The following SLC5A4 variants were observed in gnomAD, a reference collection of about 807,000 sequenced individuals.
SLC5A4 encodes the protein probable glucose sensor protein SLC5A4.
In SLC5A4, 55 loss-of-function variants were observed where a neutral mutation model predicts 70.3. The observed-to-expected ratio is 0.78, with a 90% confidence interval of 0.63 to 0.98. The LOEUF (loss-of-function observed/expected upper bound fraction) is 0.98, where lower values mean the gene tolerates loss of function less well. SLC5A4 is among the 50% of genes least tolerant of loss of function. The probability of loss-of-function intolerance (pLI) is 0.00; values close to 1 mark genes in which losing one functional copy is unlikely to be tolerated. For synonymous variants in SLC5A4, 268 were observed against 305.7 expected, an observed-to-expected ratio of 0.88 and a Z score of 1.29; for missense variants, 735 against 839.2, an observed-to-expected ratio of 0.88 and a Z score of 1.53.
chr22:32,228,122 A>G (rs937150205), intron 11 of SLC5A4, among the ~76,000 whole-genome samples: 1 of 152,194 alleles, frequency 6.6e-6, no homozygotes, highest in Non-Finnish European at 1.5e-5. Context: ...GGTAATTTCC[A>G]TGTCTTGACT....
intron 5 of SLC5A4, among the ~76,000 whole-genome samples, chr22:32,244,684 T>G (rs1926720862): frequency 6.6e-6 from 1 of 152,094 alleles, no homozygotes; most frequent in Non-Finnish European, 1.5e-5. Flanking sequence ...TGTGCCCCCA[T>G]ACCTGGCTAA....
chr22:32,270,020 C>T, the SLC5A4 span: 21,952 of 492,910 alleles, frequency 0.045, 765 homozygotes, highest in Admixed American at 0.12. Context: ...CAGGAGCCCC[C>T]GGCCAGTGCT....
chr22:32,292,133 T>TTATATATAA, the SLC5A4 span, among the ~76,000 whole-genome samples: 10 of 36,910 alleles, frequency 2.7e-4, 1 homozygote, highest in African/African-American at 8.4e-4. Flanking sequence ...ATACTAGATA[T>TTATATATAA]TATATATTAT....
the SLC5A4 span, among the ~76,000 whole-genome samples, chr22:32,318,145 C>T: frequency 3.9e-5 from 6 of 152,036 alleles, no homozygotes; most frequent in African/African-American, 7.2e-5. Flanking sequence ...CTTGTTGGTC[C>T]GTCCACATCT....
Position 32,239,545 on chromosome 22 carries a change from T to A in SLC5A4, c.478-455A>T, listed in dbSNP as rs1272022705. Among the ~76,000 whole-genome samples the A allele has an allele frequency of 9.6e-4, 12 of 12,482 alleles. No homozygotes were observed. In the Admixed American group the frequency reaches 0.01, roughly 11 times the overall value. 8.2% of individuals were successfully genotyped at this position (12,482 alleles called of 152,430 possible). On this transcript the variant is annotated intron_variant, in intron 5 of 14. Coordinates refer to ENST00000266086, the MANE Select transcript of SLC5A4 (RefSeq NM_014227.3). ...ATATATATATATATATATATATATA[T>A]ATATATATATATATATATATATATT... is the stretch of plus-strand genomic sequence containing the variant.
At chr22:32,353,577 G>C in the SLC5A4 span, among the ~76,000 whole-genome samples, 2 of 152,026 alleles carry the variant, frequency 1.3e-5, no homozygotes, top group East Asian at 3.9e-4. Context: ...CAGCACCAGG[G>C]GGGCAGCGCA....
chr22:32,270,261 C>A, the SLC5A4 span: 1 of 730,136 alleles, frequency 1.4e-6, no homozygotes. Flanking sequence ...AGCCTGCCTT[C>A]CTGTCTGAAG....
chr22:32,315,572 A>T, the SLC5A4 span, among the ~76,000 whole-genome samples: 3 of 152,168 alleles, frequency 2.0e-5, no homozygotes, highest in African/African-American at 4.8e-5. Context: ...ATCATGTCAT[A>T]TTATAATTAT....
intron 10 of SLC5A4, among the ~76,000 whole-genome samples, chr22:32,229,660 A>T (rs1603226989): frequency 6.6e-6 from 1 of 152,070 alleles, no homozygotes; most frequent in Non-Finnish European, 1.5e-5. Context: ...GTAATGGGGG[A>T]CTAGGGGTGG....
At chr22:32,313,330 C>T in the SLC5A4 span, among the ~76,000 whole-genome samples, 1 of 152,152 alleles carries the variant, frequency 6.6e-6, no homozygotes, top group African/African-American at 2.4e-5. Context: ...ATGTTGTTCC[C>T]CTTTTACCCT....
the SLC5A4 span, among the ~76,000 whole-genome samples, chr22:32,319,742 C>A: frequency 6.6e-6 from 1 of 152,204 alleles, no homozygotes; most frequent in Non-Finnish European, 1.5e-5. Flanking sequence ...CCCTTGGCCA[C>A]ATGTTTAAAA....
chr22:32,270,878 C>A, the SLC5A4 span: 4 of 553,048 alleles, frequency 7.2e-6, no homozygotes, highest in African/African-American at 1.9e-5. Flanking sequence ...GCTGCACCAT[C>A]AGCCCAACGT....
chr22:32,338,792 G>A, the SLC5A4 span, among the ~76,000 whole-genome samples: 12 of 152,268 alleles, frequency 7.9e-5, 1 homozygote, highest in African/African-American at 2.9e-4. Flanking sequence ...CTGAAATCGA[G>A]ACCCATAAAA....
the SLC5A4 span, among the ~76,000 whole-genome samples, chr22:32,351,183 A>C: frequency 6.6e-6 from 1 of 152,182 alleles, no homozygotes; most frequent in African/African-American, 2.4e-5. Context: ...CATACACTGG[A>C]ACTTATTACC....
chr22:32,277,985 G>A, the SLC5A4 span, among the ~76,000 whole-genome samples: 5 of 141,460 alleles, frequency 3.5e-5, no homozygotes, highest in African/African-American at 1.4e-4. Flanking sequence ...CCCACAGCTG[G>A]TTAGGCAGGG....
At chr22:32,318,267 CTG>C in the SLC5A4 span, among the ~76,000 whole-genome samples, 5 of 151,782 alleles carry the variant, frequency 3.3e-5, no homozygotes, top group South Asian at 4.2e-4. Context: ...GAATTTCACT[CTG>C]TCACCCAGGC....
At chr22:32,274,485 C>T in the SLC5A4 span, among the ~76,000 whole-genome samples, 50 of 152,098 alleles carry the variant, frequency 3.3e-4, no homozygotes, top group African/African-American at 1.1e-3. Flanking sequence ...AAGTTCATGG[C>T]CCACTTACAC....
intron 14 of SLC5A4, among the ~76,000 whole-genome samples, chr22:32,219,208 A>C (rs1924905840): frequency 6.6e-6 from 1 of 152,220 alleles, no homozygotes; most frequent in Non-Finnish European, 1.5e-5. Flanking sequence ...GTTTGCGTGG[A>C]AACAGGCACT....
chr22:32,224,122 G>T, intron 13 of SLC5A4, 145 bp downstream of exon 13: 1 of 631,100 alleles, frequency 1.6e-6, no homozygotes, highest in Non-Finnish European at 2.8e-6. Flanking sequence ...AGGTTTCACC[G>T]TGTTAACCAG....
Sources: gnomAD v4.1 joint callset for allele counts (sites outside exome capture counted in the v4.1 genomes callset) on GRCh38, gnomAD v4.1.1 for gene constraint, MANE v1.5 for transcripts, NCBI Gene and HGNC (gene_info 2026-07-23, HGNC 2026-07-21) for gene names.